Variants in HECTD2 observed in about 807,000 individuals in gnomAD.
The protein encoded by HECTD2 is HECT domain E3 ubiquitin protein ligase 2, also known as probable E3 ubiquitin-protein ligase HECTD2.
Under a neutral mutation model 103.2 loss-of-function variants are expected in HECTD2, and 35 were observed. That is an observed-to-expected ratio of 0.34 (90% CI 0.26 to 0.45). The LOEUF (loss-of-function observed/expected upper bound fraction) is 0.45, where lower values mean the gene tolerates loss of function less well. Among genes scored for constraint, HECTD2 ranks in the 20% least tolerant of loss-of-function variants. HECTD2 has a pLI of 1.00. For synonymous variants in HECTD2, 281 were observed against 329.9 expected (o/e 0.85, Z 1.61); for missense variants, 596 against 937.4 (o/e 0.64, Z 4.76).
At chr10:91,471,933 C>T (rs919333633) in intron 5 of HECTD2, among the ~76,000 whole-genome samples, 3 of 152,202 alleles carry the variant, frequency 2.0e-5, no homozygotes, top group Non-Finnish European at 4.4e-5. Context: ...CTACCAATGG[C>T]ATTCTTCACA....
chr10:91,435,526 A>G (rs1021338091), intron 2 of HECTD2, among the ~76,000 whole-genome samples: 1 of 152,006 alleles, frequency 6.6e-6, no homozygotes, highest in African/African-American at 2.4e-5. Flanking sequence ...GGTGATGACA[A>G]GTATCAACAT....
At chr10:91,476,786 GC>G (rs1845918977) in intron 5 of HECTD2, among the ~76,000 whole-genome samples, 1 of 152,210 alleles carries the variant, frequency 6.6e-6, no homozygotes, top group Non-Finnish European at 1.5e-5. Flanking sequence ...GTGGGCACCT[GC>G]CTGCCCTGTG....
At chr10:91,412,666 G>A (rs11186561) in intron 1 of HECTD2, among the ~76,000 whole-genome samples, 1 of 92,160 alleles carries the variant, frequency 1.1e-5, no homozygotes, top group African/African-American at 4.1e-5. Context: ...ATCTGTGGCA[G>A]AATGTGTGTG....
intron 20 of HECTD2, among the ~76,000 whole-genome samples, chr10:91,504,365 G>A (rs996287220): frequency 2.6e-5 from 4 of 151,330 alleles, no homozygotes; most frequent in Non-Finnish European, 4.4e-5. Context: ...AGGCAAAGAA[G>A]TTGAAAACTT....
At chr10:91,454,796 ACCTGTG>A (rs1173446846) in intron 2 of HECTD2, among the ~76,000 whole-genome samples, 1 of 148,786 alleles carries the variant, frequency 6.7e-6, no homozygotes, top group Non-Finnish European at 1.5e-5. Flanking sequence ...TTCAATTTCC[ACCTGTG>A]AGTGAGAACA....
At chr10:91,445,841 G>A (rs1194097625) in intron 2 of HECTD2, among the ~76,000 whole-genome samples, 2 of 152,102 alleles carry the variant, frequency 1.3e-5, no homozygotes, top group African/African-American at 4.8e-5. Flanking sequence ...CTGAGGAACG[G>A]TGCACTCCGG....
chr10:91,457,944 A>G (rs1304568273), intron 2 of HECTD2, among the ~76,000 whole-genome samples: 1 of 151,750 alleles, frequency 6.6e-6, no homozygotes, highest in African/African-American at 2.4e-5. Flanking sequence ...CAAGAAGGCA[A>G]AAAGAAGAAA....
At chr10:91,454,064 CA>C (rs138110296) in intron 2 of HECTD2, among the ~76,000 whole-genome samples, 16,608 of 151,974 alleles carry the variant, frequency 0.11, 1,062 homozygotes, top group East Asian at 0.16. Flanking sequence ...AACCCAGAAA[CA>C]AAAAAATCCA....
chr10:91,445,826 G>A (rs1844584428), intron 2 of HECTD2, among the ~76,000 whole-genome samples: 3 of 152,096 alleles, frequency 2.0e-5, no homozygotes, highest in Admixed American at 2.0e-4. Flanking sequence ...GTGAGAGACT[G>A]TGCCCTGAGG....
chr10:91,471,041 T>C lies in HECTD2; in HGVS notation c.601-7160T>C, dbSNP rs557920676. On this transcript the variant is annotated intron_variant, in intron 5 of 20. Coordinates refer to ENST00000298068, the MANE Select transcript of HECTD2 (RefSeq NM_182765.6). Reference sequence around the variant, plus strand: ...ACACACAAAGAAAACCTCAGGCCAATATTCCTGATGAAAATTGATGCAAAA... The same window carrying C: ...ACACACAAAGAAAACCTCAGGCCAACATTCCTGATGAAAATTGATGCAAAA... 7.9e-5 allele frequency among the ~76,000 whole-genome samples: 12 copies of C among 151,878 alleles called. No individual in the cohort carries two copies. In the East Asian group the frequency reaches 2.3e-3, roughly 29 times the overall value.
chr10:91,474,807 CAATGT>C (rs1181211962), intron 5 of HECTD2, among the ~76,000 whole-genome samples: 1 of 152,058 alleles, frequency 6.6e-6, no homozygotes, highest in African/African-American at 2.4e-5. Context: ...GAAGATAGGG[CAATGT>C]AATAAGAAGT....
At chr10:91,461,709 C>T (rs1342886974) in intron 4 of HECTD2, among the ~76,000 whole-genome samples, 1 of 151,894 alleles carries the variant, frequency 6.6e-6, no homozygotes, top group South Asian at 2.1e-4. Flanking sequence ...TCACCACACC[C>T]GGCTAATTTT....
chr10:91,433,030 C>T (rs562063353), intron 2 of HECTD2, among the ~76,000 whole-genome samples: 10 of 151,930 alleles, frequency 6.6e-5, no homozygotes, highest in Non-Finnish European at 1.3e-4. Flanking sequence ...TTGTGGAAAG[C>T]AAAGGACTTG....
chr10:91,485,083 C>A, intron 9 of HECTD2, 97 bp from the exon 10 acceptor site: 1 of 794,098 alleles, frequency 1.3e-6, no homozygotes, highest in Non-Finnish European at 1.9e-6. Context: ...GTTTCTAGGT[C>A]AAGGCTGTCT....
intron 14 of HECTD2, among the ~76,000 whole-genome samples, chr10:91,494,311 T>C (rs1284583125): frequency 1.3e-5 from 2 of 151,946 alleles, no homozygotes; most frequent in East Asian, 1.9e-4. Context: ...CCAGAGAGGA[T>C]AGAGATTTAA....
intron 2 of HECTD2, among the ~76,000 whole-genome samples, chr10:91,428,957 G>C (rs989576244): frequency 6.6e-6 from 1 of 152,008 alleles, no homozygotes; most frequent in Non-Finnish European, 1.5e-5. Flanking sequence ...TCTTGTGCCA[G>C]TTTTCAAAGG....
chr10:91,410,024 T>G (rs1842845888), upstream of HECTD2, among the ~76,000 whole-genome samples: 1 of 152,112 alleles, frequency 6.6e-6, no homozygotes, highest in East Asian at 1.9e-4. Context: ...TAGTCCAGGT[T>G]CTCCTGCGCG....
intron 12 of HECTD2, 63 bp from the exon 13 acceptor site, chr10:91,492,289 A>G (rs778766362): frequency 1.3e-5 from 20 of 1,483,886 alleles, no homozygotes; most frequent in African/African-American, 7.0e-5. Flanking sequence ...TCCCAGAATT[A>G]AAAATGTTAA....
At chr10:91,432,668 T>A (rs1184774526) in intron 2 of HECTD2, among the ~76,000 whole-genome samples, 2 of 148,762 alleles carry the variant, frequency 1.3e-5, no homozygotes. Flanking sequence ...CCCCAAACTT[T>A]AAAAAAAAAA....
Sources: allele counts gnomAD v4.1 joint callset (sites outside exome capture counted in the v4.1 genomes callset), GRCh38; gene constraint gnomAD v4.1.1; transcripts MANE v1.5; gene names NCBI Gene and HGNC (gene_info 2026-07-23, HGNC 2026-07-21).